Variants in RBPJ observed in about 807,000 individuals in gnomAD.
RBPJ encodes recombination signal binding protein for immunoglobulin kappa J region, also known as recombining binding protein suppressor of hairless.
A neutral mutation model predicts 67.8 loss-of-function variants in RBPJ; 9 were observed. That is an observed-to-expected ratio of 0.13 (90% CI 0.08 to 0.23). The LOEUF (loss-of-function observed/expected upper bound fraction) is 0.23, where lower values mean the gene tolerates loss of function less well. Ranked by LOEUF, RBPJ falls within the 10% of genes least tolerant of loss-of-function variation. The pLI is 1.00. For synonymous variants in RBPJ, 198 were observed against 203.3 expected (o/e 0.97, Z 0.22); for missense variants, 305 against 595.6 (o/e 0.51, Z 5.08).
rs555784268 is a variant in RBPJ, at chr4:26,394,185, C to A, written c.59+7794C>A. Among the ~76,000 whole-genome samples the A allele has an allele frequency of 3.3e-5, 5 of 152,194 alleles. No homozygotes were observed. In the East Asian group the frequency reaches 7.7e-4, roughly 24 times the overall value. On this transcript the variant is annotated intron_variant, in intron 2 of 10. Transcript: ENST00000355476. ...GGGACTACAGGTACCTGCCACCACA[C>A]CCGGCTAATTTTTTTGTATTTTTAG...
intron 2 of RBPJ, among the ~76,000 whole-genome samples, chr4:26,405,127 T>G (rs1165596404): frequency 6.6e-6 from 1 of 152,194 alleles, no homozygotes; most frequent in Non-Finnish European, 1.5e-5. Context: ...TTTAATCCCC[T>G]CAGCCACCCT....
chr4:26,395,296 A>C (rs1056340652), intron 2 of RBPJ, among the ~76,000 whole-genome samples: 10 of 152,058 alleles, frequency 6.6e-5, no homozygotes, highest in Non-Finnish European at 1.3e-4. Flanking sequence ...AAAAAAATTA[A>C]AGAATTAGCT....
chr4:26,316,613 TTG>T (rs1560258629), upstream of RBPJ, among the ~76,000 whole-genome samples: 47 of 141,148 alleles, frequency 3.3e-4, no homozygotes, highest in African/African-American at 1.2e-3. Context: ...TATACACATA[TTG>T]ATATATATAT....
the RBPJ span, among the ~76,000 whole-genome samples, chr4:26,152,737 T>A: frequency 7.2e-5 from 11 of 152,362 alleles, no homozygotes; most frequent in East Asian, 2.1e-3. Context: ...CCATATTGAA[T>A]CCTTGTTCAG....
the RBPJ span, among the ~76,000 whole-genome samples, chr4:26,153,200 T>C: frequency 6.6e-6 from 1 of 152,246 alleles, no homozygotes; most frequent in African/African-American, 2.4e-5. Flanking sequence ...CTGTGGTTAT[T>C]TGGCATCACC....
At chr4:26,412,613 A>G (rs555150843) in intron 3 of RBPJ, among the ~76,000 whole-genome samples, 1 of 152,280 alleles carries the variant, frequency 6.6e-6, no homozygotes, top group African/African-American at 2.4e-5. Flanking sequence ...AATTCAAAAC[A>G]CTGTTGGTCC....
the RBPJ span, among the ~76,000 whole-genome samples, chr4:26,110,140 GTCAATTTCTCTGTACTTCTTACAAT>G: frequency 1.3e-5 from 2 of 152,148 alleles, no homozygotes; most frequent in Non-Finnish European, 2.9e-5. This position sits in a 1 kb window ranked among gnomAD's most constrained non-coding sequence, Gnocchi z 4.5. Context: ...AGGCAAGGGG[GTCAATTTCTCTGTACTTCTTACAAT>G]TCAATTTCTC....
At position 26,264,437 on chromosome 4, in the gene RBPJ, C is replaced by T. The variant is rs577609214; in HGVS notation, c.-166-98009C>T. 6.6e-6 allele frequency among the ~76,000 whole-genome samples: 1 copy of T among 152,262 alleles called. No homozygotes were observed. Among genetic ancestry groups the T allele is most frequent in the South Asian group, 2.1e-4 (1 of 4,826 alleles). On this transcript the variant is annotated intron_variant, in intron 1 of 4. Transcript: ENST00000512351. This position sits in a 1 kb window ranked among gnomAD's most constrained non-coding sequence, Gnocchi z 4.1. The stretch of plus-strand genomic sequence containing the variant: ...TTCTTTGCCTCCTACATATTGTAGC[C>T]ATAGTGATCTTCGTAAACTGTCCAT...
intron 1 of RBPJ, among the ~76,000 whole-genome samples, chr4:26,232,073 T>C (rs1719309737): frequency 6.6e-6 from 1 of 151,546 alleles, no homozygotes; most frequent in Non-Finnish European, 1.5e-5. Context: ...TTTTTGTATT[T>C]TTAGTAGAGA....
At chr4:26,326,008 C>T (rs1276661905) in intron 1 of RBPJ, among the ~76,000 whole-genome samples, 1 of 152,056 alleles carries the variant, frequency 6.6e-6, no homozygotes. Flanking sequence ...TGGCAGGTAT[C>T]ATTTATATTC....
At chr4:26,243,531 A>G (rs1420445474) in intron 1 of RBPJ, among the ~76,000 whole-genome samples, 1 of 152,208 alleles carries the variant, frequency 6.6e-6, no homozygotes, top group African/African-American at 2.4e-5. Flanking sequence ...ATGGAATTGA[A>G]ATAGATCAAC....
At chr4:26,415,217 A>G (rs949209307) in intron 3 of RBPJ, among the ~76,000 whole-genome samples, 3 of 152,166 alleles carry the variant, frequency 2.0e-5, no homozygotes, top group African/African-American at 7.2e-5. Context: ...GAAGTTCTGT[A>G]CTCTAAAAAG....
rs78525185 is a variant in RBPJ at position 26,173,581 on chromosome 4, G to A, written c.-167+9967G>A. ...ACGTCTAACCTTACACCCAGGAGATGGGGAAGATTTCTATCTTTCATCCCA... is the reference window on the plus strand; with the variant it reads ...ACGTCTAACCTTACACCCAGGAGATAGGGAAGATTTCTATCTTTCATCCCA... On this transcript the variant is annotated intron_variant, in intron 1 of 4. Coordinates refer to the RBPJ transcript ENST00000512351. 6.7e-3 allele frequency among the ~76,000 whole-genome samples: 1,017 copies of A among 152,280 alleles called. 9 individuals carry two copies. The highest frequency in any genetic ancestry group is 0.023 in the African/African-American group (965 of 41,550).
At chr4:26,243,200 C>T (rs1719709125) in intron 1 of RBPJ, among the ~76,000 whole-genome samples, 1 of 152,086 alleles carries the variant, frequency 6.6e-6, no homozygotes, top group Admixed American at 6.6e-5. Context: ...GCACTCCAGC[C>T]TGGGCAACAA....
intron 1 of RBPJ, among the ~76,000 whole-genome samples, chr4:26,268,536 T>G (rs1720780072): frequency 6.6e-6 from 1 of 152,244 alleles, no homozygotes; most frequent in African/African-American, 2.4e-5. Flanking sequence ...AATGTGCATC[T>G]TCTGCTTCCC....
At chr4:26,375,684 A>G (rs186354457) in intron 1 of RBPJ, among the ~76,000 whole-genome samples, 11 of 152,350 alleles carry the variant, frequency 7.2e-5, no homozygotes, top group African/African-American at 2.6e-4. Flanking sequence ...TGTACAAGCC[A>G]GTTTTCCATA....
upstream of RBPJ, chr4:26,320,818 A>G: frequency 6.4e-7 from 1 of 1,559,168 alleles, no homozygotes. Flanking sequence ...TCGCCTGGGT[A>G]GGTTTCCAGG....
chr4:26,409,979 A>G (rs1733858787), intron 3 of RBPJ: 3 of 437,584 alleles, frequency 6.9e-6, no homozygotes, highest in Non-Finnish European at 1.4e-5. Flanking sequence ...TTCAAAGTAG[A>G]CCTGCATTAC....
intron 1 of RBPJ, among the ~76,000 whole-genome samples, chr4:26,170,341 T>C (rs1428494431): frequency 6.6e-6 from 1 of 152,032 alleles, no homozygotes; most frequent in Non-Finnish European, 1.5e-5. Flanking sequence ...AGAAATTTGA[T>C]ACCAGCCTGC....
Sources: allele counts gnomAD v4.1 joint callset (sites outside exome capture counted in the v4.1 genomes callset), GRCh38; gene constraint gnomAD v4.1.1; non-coding constraint Gnocchi (gnomAD v3.1); transcripts MANE v1.5; gene names NCBI Gene and HGNC (gene_info 2026-07-23, HGNC 2026-07-21).